SCAPER: variants seen among roughly 807,000 people sequenced by gnomAD.
SCAPER encodes S phase cyclin A-associated protein in the endoplasmic reticulum.
SCAPER carries 98 observed loss-of-function variants against 182.2 expected under a neutral mutation model. The observed-to-expected ratio is 0.54, with a 90% CI of 0.46 to 0.64. The LOEUF (loss-of-function observed/expected upper bound fraction) is 0.64, where lower values mean the gene tolerates loss of function less well. SCAPER is among the 30% of genes least tolerant of loss of function. The pLI is 0.00. For synonymous variants in SCAPER, 605 were observed against 564.6 expected, an observed-to-expected ratio of 1.07 and a Z score of -1.01; for missense variants, 1,432 against 1,690.0, an observed-to-expected ratio of 0.85 and a Z score of 2.68.
chr15:76,369,767 A>G (rs2042026594), intron 29 of SCAPER, among the ~76,000 whole-genome samples: 1 of 152,168 alleles, frequency 6.6e-6, no homozygotes, highest in African/African-American at 2.4e-5. Flanking sequence ...AAACTTCCCA[A>G]CTCTATTGGG....
At chr15:76,488,698 G>A (rs2051916407) in intron 24 of SCAPER, among the ~76,000 whole-genome samples, 1 of 115,156 alleles carries the variant, frequency 8.7e-6, no homozygotes, top group African/African-American at 3.0e-5. Context: ...GTTGCATCCT[G>A]ATAACAGTAC....
chr15:76,538,110 T>C (rs1449110873), intron 23 of SCAPER, among the ~76,000 whole-genome samples: 6 of 148,406 alleles, frequency 4.0e-5, no homozygotes, highest in African/African-American at 1.5e-4. Context: ...ACTTTTACAC[T>C]GTTGGTGGGA....
intron 24 of SCAPER, among the ~76,000 whole-genome samples, chr15:76,503,556 T>A (rs1435563254): frequency 4.6e-5 from 7 of 152,232 alleles, no homozygotes; most frequent in African/African-American, 1.7e-4. Context: ...TAACTTTACA[T>A]TATAATATAC....
rs764232910 is a variant in SCAPER at position 76,841,863 on chromosome 15, A to C, written c.264T>G (p.Thr88=). Residue 88 remains threonine (T), a synonymous_variant, in exon 5 of 32, where the codon ACT becomes ACG. Coordinates refer to ENST00000563290, the MANE Select transcript of SCAPER (RefSeq NM_020843.4). ...CAATTTTCCGAGGGTGCCTTGTTTT[A>C]GTGGGACTTTTATCAAAGTGTTTAT... ...TGDKHFDKSP[T]KTRHPRKIDL... 7.0e-5 allele frequency: 113 copies of C among 1,613,800 alleles called. No individual in the cohort carries two copies. The Admixed American group carries it at 1.2e-3, about 17-fold the overall frequency.
chr15:76,647,176 T>C (rs1250702154), intron 21 of SCAPER, among the ~76,000 whole-genome samples: 2 of 152,192 alleles, frequency 1.3e-5, no homozygotes, highest in African/African-American at 4.8e-5. Context: ...AAAGCTAATG[T>C]GTAAATATAT....
chr15:76,677,031 T>C (rs529183572), intron 20 of SCAPER, among the ~76,000 whole-genome samples: 16 of 152,256 alleles, frequency 1.1e-4, no homozygotes, highest in South Asian at 2.1e-4. Context: ...TCTTTTTGTA[T>C]CTATTCTCAA....
chr15:76,716,829 G>A (rs549927279), intron 17 of SCAPER, among the ~76,000 whole-genome samples: 1 of 152,084 alleles, frequency 6.6e-6, no homozygotes, highest in Admixed American at 6.5e-5. Context: ...CCCAAAGGGG[G>A]AAGAAACAGA....
At chr15:76,783,152 GAA>G (rs1022921502) in intron 8 of SCAPER, among the ~76,000 whole-genome samples, 5 of 151,918 alleles carry the variant, frequency 3.3e-5, no homozygotes, top group African/African-American at 1.2e-4. Context: ...TAACAAAGAA[GAA>G]AAGAGAGAAG....
At chr15:76,728,789 A>G (rs2060740880) in intron 16 of SCAPER, 52 bp from the exon 17 acceptor site, 2 of 1,544,522 alleles carry the variant, frequency 1.3e-6, no homozygotes, top group Admixed American at 4.1e-5. Context: ...TAAAATAAAA[A>G]TGATTCAAAG....
At chr15:76,666,905 G>T (rs1012356358) in intron 20 of SCAPER, among the ~76,000 whole-genome samples, 2 of 152,108 alleles carry the variant, frequency 1.3e-5, no homozygotes, top group African/African-American at 2.4e-5. Context: ...CTAAGAGCAA[G>T]TCCTCCAAAT....
chr15:76,857,355 C>G (rs2071478932), intron 4 of SCAPER, among the ~76,000 whole-genome samples: 1 of 151,496 alleles, frequency 6.6e-6, no homozygotes, highest in Non-Finnish European at 1.5e-5. Flanking sequence ...ACTACTTGAA[C>G]CCAAGAGGAA....
At chr15:76,728,974 C>T (rs59570104) in intron 16 of SCAPER, among the ~76,000 whole-genome samples, 13,255 of 152,070 alleles carry the variant, frequency 0.087, 695 homozygotes, top group African/African-American at 0.13. Flanking sequence ...TTTATACAAA[C>T]ACTGTGTTAT....
intron 24 of SCAPER, among the ~76,000 whole-genome samples, chr15:76,480,991 A>T (rs1024063438): frequency 6.6e-6 from 1 of 152,152 alleles, no homozygotes; most frequent in South Asian, 2.1e-4. Context: ...TCGGCCTCCC[A>T]AAGTGCTGGG....
chr15:76,619,194 A>G (rs1179555866), intron 22 of SCAPER, among the ~76,000 whole-genome samples: 7 of 152,228 alleles, frequency 4.6e-5, no homozygotes, highest in African/African-American at 1.7e-4. Context: ...CTTGATATAA[A>G]TGGAATCACA....
In SCAPER at chr15:76,602,517, G is replaced by A. The variant is rs1319628228; in HGVS notation, c.2711+19247C>T. 1.1e-4 allele frequency among the ~76,000 whole-genome samples: 13 copies of A among 120,258 alleles called. 4 individuals carry two copies. The highest frequency in any genetic ancestry group is 2.4e-4 in the Non-Finnish European group (12 of 49,618). The allele number at this position is 120,258 out of a possible 152,430, so 78.9% of individuals were successfully genotyped here. A position where few individuals can be genotyped will look rare whatever the true frequency, so the allele number is the denominator to read the frequency against. The stretch of plus-strand genomic sequence containing the variant: ...GCAATTTGAATATCATACGCTCACA[G>A]GTAGAATTTTTTGTTTTTGTTTTTT... On this transcript the variant is annotated intron_variant, in intron 22 of 31. Coordinates refer to ENST00000563290, the MANE Select transcript of SCAPER (RefSeq NM_020843.4).
chr15:76,513,472 AAGAG>A (rs1433290170), intron 23 of SCAPER, among the ~76,000 whole-genome samples: 2 of 152,178 alleles, frequency 1.3e-5, no homozygotes, highest in African/African-American at 4.8e-5. Context: ...TATTAAAACT[AAGAG>A]AGAAAAAAAC....
chr15:76,496,501 A>G lies in SCAPER; in HGVS notation c.2954+8358T>C, dbSNP rs74960339. 3.5e-4 allele frequency among the ~76,000 whole-genome samples: 53 copies of G among 152,302 alleles called. 1 individual carries two copies. In the East Asian group the frequency reaches 6.9e-3, roughly 20 times the overall value. On this transcript the variant is annotated intron_variant, in intron 24 of 31. Coordinates refer to ENST00000563290, the MANE Select transcript of SCAPER (RefSeq NM_020843.4). ...TTTTTCTTAAAGAACTATACATGAT[A>G]TATTTTCTTTTCTTTGATTCTGAAG...
At chr15:76,886,780 G>T (rs916555052) in intron 1 of SCAPER, among the ~76,000 whole-genome samples, 1 of 152,198 alleles carries the variant, frequency 6.6e-6, no homozygotes, top group African/African-American at 2.4e-5. Context: ...ACTGGATAAA[G>T]AAAGTGTGGT....
chr15:76,800,421 A>C, intron 6 of SCAPER, 57 bp from the exon 7 acceptor site: 2 of 1,125,912 alleles, frequency 1.8e-6, no homozygotes, highest in Non-Finnish European at 2.6e-6. Context: ...AGAAACAAAT[A>C]ATCTTTTCTC....
Sources: allele counts gnomAD v4.1 joint callset (sites outside exome capture counted in the v4.1 genomes callset), GRCh38; gene constraint gnomAD v4.1.1; transcripts MANE v1.5; gene names NCBI Gene and HGNC (gene_info 2026-07-23, HGNC 2026-07-21).